ITPRID1: variants seen among roughly 807,000 people sequenced by gnomAD.
The protein encoded by ITPRID1 is protein ITPRID1.
A neutral mutation model predicts 95.4 loss-of-function variants in ITPRID1; 96 were observed. That is an observed-to-expected ratio of 1.01 (90% CI 0.85 to 1.19). The LOEUF (loss-of-function observed/expected upper bound fraction) is 1.19, where lower values mean the gene tolerates loss of function less well. Ranked by LOEUF, ITPRID1 falls within the 50% of genes most tolerant of loss-of-function variation. The probability of loss-of-function intolerance (pLI) is 0.00; values close to 1 mark genes in which losing one functional copy is unlikely to be tolerated. For missense variants in ITPRID1, 1,339 were observed against 1,252.9 expected (o/e 1.07, Z -1.04); for synonymous variants, 510 against 453.6 (o/e 1.12, Z -1.58).
At chr7:31,523,031 T>C (rs990109001) in intron 1 of ITPRID1, among the ~76,000 whole-genome samples, 1 of 152,098 alleles carries the variant, frequency 6.6e-6, no homozygotes, top group African/African-American at 2.4e-5. Flanking sequence ...AGATAGTGAG[T>C]TTTTGATTCA....
chr7:31,519,976 A>G (rs1257971913), intron 1 of ITPRID1, among the ~76,000 whole-genome samples: 1 of 150,646 alleles, frequency 6.6e-6, no homozygotes, highest in East Asian at 2.0e-4. Flanking sequence ...TTTTTGTTTC[A>G]TGATGTCATT....
At position 31,652,913 on chromosome 7, in the gene ITPRID1, G is replaced by A; in HGVS notation, c.*84G>A. On this transcript the variant is annotated 3_prime_UTR_variant, in exon 15 of 15. Coordinates refer to ENST00000615280, the MANE Select transcript of ITPRID1 (RefSeq NM_001257967.3). ...AGGAAATTTCAATTTTCCCCAAGGA[G>A]AAGGGTCTGCCAACCCATTGTCAGC... The A allele has an allele frequency of 1.3e-6, 2 of 1,541,488 alleles. No individual in the cohort carries two copies. Among genetic ancestry groups the A allele is most frequent in the Non-Finnish European group, 1.7e-6 (2 of 1,143,688 alleles).
chr7:31,632,753 G>A (rs1789128103), intron 10 of ITPRID1, among the ~76,000 whole-genome samples: 1 of 152,122 alleles, frequency 6.6e-6, no homozygotes, highest in Non-Finnish European at 1.5e-5. Context: ...CCAGCTGGGT[G>A]ACAGGTTTTA....
rs115456593 is a variant in ITPRID1 at position 31,565,784 on chromosome 7, G to T, written c.257-3974G>T. Among the ~76,000 whole-genome samples, 711 of 152,174 alleles carry T rather than the reference G, an allele frequency of 4.7e-3. 7 individuals carry two copies. The highest frequency in any genetic ancestry group is 0.016 in the African/African-American group (676 of 41,548). ...GTACAGGAGTCTGATAGCTGCATTT[G>T]TACATCTAGGAGGGTGAGATTCCAG... On this transcript the variant is annotated intron_variant, in intron 5 of 14. Transcript: ENST00000615280.
chr7:31,540,074 C>T (rs1219879979), intron 1 of ITPRID1, among the ~76,000 whole-genome samples: 1 of 152,096 alleles, frequency 6.6e-6, no homozygotes, highest in Non-Finnish European at 1.5e-5. Context: ...TCAATCCAGA[C>T]CCCGTAGTTA....
chr7:31,644,012 G>A (rs1047906383), intron 12 of ITPRID1, 59 bp downstream of exon 12: 1 of 1,455,084 alleles, frequency 6.9e-7, no homozygotes, highest in Non-Finnish European at 9.2e-7. Flanking sequence ...AACACCTCAG[G>A]GATAATATTC....
At chr7:31,613,113 G>A (rs1348167704) in intron 10 of ITPRID1, among the ~76,000 whole-genome samples, 1 of 152,066 alleles carries the variant, frequency 6.6e-6, no homozygotes, top group Non-Finnish European at 1.5e-5. Flanking sequence ...CTTTTTGTTT[G>A]AGAGTCCACA....
At chr7:31,527,203 T>C (rs1368491992) in intron 1 of ITPRID1, among the ~76,000 whole-genome samples, 1 of 152,184 alleles carries the variant, frequency 6.6e-6, no homozygotes, top group African/African-American at 2.4e-5. Context: ...TACTTACTCA[T>C]ACTTTATGAA....
intron 1 of ITPRID1, among the ~76,000 whole-genome samples, chr7:31,525,924 A>C (rs1783408735): frequency 1.3e-5 from 2 of 152,070 alleles, no homozygotes; most frequent in African/African-American, 4.8e-5. Context: ...GTACATCGAG[A>C]TTGTGTTTTC....
chr7:31,632,694 GTCC>G (rs1490609943), intron 10 of ITPRID1, among the ~76,000 whole-genome samples: 15 of 152,196 alleles, frequency 9.9e-5, no homozygotes, highest in African/African-American at 3.4e-4. Context: ...GAAAAGAGCA[GTCC>G]TCCTCGTTTC....
chr7:31,637,862 G>C (rs1434668876), intron 10 of ITPRID1, among the ~76,000 whole-genome samples: 1 of 152,080 alleles, frequency 6.6e-6, no homozygotes, highest in East Asian at 1.9e-4. Flanking sequence ...GGGTTTTTAT[G>C]GTTTTAGGTC....
chr7:31,636,761 G>C (rs1006005830), intron 10 of ITPRID1, among the ~76,000 whole-genome samples: 1 of 151,114 alleles, frequency 6.6e-6, no homozygotes, highest in South Asian at 2.1e-4. Context: ...AAGTTTTAGG[G>C]TACATGTGCG....
chr7:31,628,267 C>T (rs887429582), intron 10 of ITPRID1, among the ~76,000 whole-genome samples: 15 of 152,202 alleles, frequency 9.9e-5, no homozygotes, highest in Admixed American at 7.2e-4. Flanking sequence ...AAGAGAAAGC[C>T]TGGAGCACAG....
At chr7:31,628,410 C>G (rs1242498684) in intron 10 of ITPRID1, among the ~76,000 whole-genome samples, 1 of 152,028 alleles carries the variant, frequency 6.6e-6, no homozygotes, top group Non-Finnish European at 1.5e-5. Flanking sequence ...CATCTGTCCC[C>G]CAGAATGCAG....
chr7:31,577,654 TC>T, intron 8 of ITPRID1, among the ~76,000 whole-genome samples: 1 of 152,276 alleles, frequency 6.6e-6, no homozygotes. Flanking sequence ...CTGTTCACTT[TC>T]CCCATAACAC....
chr7:31,584,356 C>G (rs889656805), intron 10 of ITPRID1, among the ~76,000 whole-genome samples: 2 of 152,174 alleles, frequency 1.3e-5, no homozygotes, highest in Non-Finnish European at 2.9e-5. Context: ...TCTTATCCTG[C>G]TCTTCGAAGT....
At chr7:31,533,438 A>T (rs1429371017) in intron 1 of ITPRID1, among the ~76,000 whole-genome samples, 5 of 152,146 alleles carry the variant, frequency 3.3e-5, no homozygotes, top group Non-Finnish European at 5.9e-5. Context: ...GACTTTTAAA[A>T]TTATCTTTGT....
At chr7:31,604,434 A>G (rs375398892) in intron 10 of ITPRID1, among the ~76,000 whole-genome samples, 2 of 152,210 alleles carry the variant, frequency 1.3e-5, no homozygotes, top group African/African-American at 4.8e-5. Context: ...TAATGTTGCT[A>G]TGTTTGTATA....
intron 9 of ITPRID1, among the ~76,000 whole-genome samples, chr7:31,580,616 C>T (rs1687434280): frequency 6.6e-6 from 1 of 151,966 alleles, no homozygotes; most frequent in Non-Finnish European, 1.5e-5. Flanking sequence ...AAAATACTAC[C>T]TATTAGTATG....
Sources: gnomAD v4.1 joint callset for allele counts (sites outside exome capture counted in the v4.1 genomes callset) on GRCh38, gnomAD v4.1.1 for gene constraint, MANE v1.5 for transcripts, NCBI Gene and HGNC (gene_info 2026-07-23, HGNC 2026-07-21) for gene names.